CRLF1: variants seen among roughly 807,000 people sequenced by gnomAD.
CRLF1 encodes cytokine receptor-like factor 1.
In CRLF1, 36 loss-of-function variants were observed where a neutral mutation model predicts 48.9. That is an observed-to-expected ratio of 0.74 (90% confidence interval 0.56 to 0.97). The LOEUF is 0.97. Ranked by LOEUF, CRLF1 falls within the 50% of genes least tolerant of loss-of-function variation. The pLI, the probability that CRLF1 is intolerant of heterozygous loss-of-function variation, is 0.00. For missense variants in CRLF1, 534 were observed against 575.1 expected, an observed-to-expected ratio of 0.93 and a Z score of 0.73; for synonymous variants, 256 against 253.4, an observed-to-expected ratio of 1.01 and a Z score of -0.10.
At position 18,593,682 on chromosome 19, in the gene CRLF1, T is replaced by TTTGGGCA. The variant is rs1976086938; in HGVS notation, c.1256-104_1256-103insTGCCCAA. 3 of 1,544,882 alleles carry TTTGGGCA rather than the reference T, an allele frequency of 1.9e-6. No individual in the cohort carries two copies. In the African/African-American group the frequency reaches 4.1e-5, roughly 21 times the overall value. On this transcript the variant is annotated intron_variant, in intron 8 of 8. Transcript: ENST00000392386. ...ATTCGTGTCCTGTCCCCACCGCTTC[T>TTTGGGCA]GGCTGTGTGACTTTGGGCAGGGTCC... is the stretch of plus-strand genomic sequence containing the variant.
At chr19:18,594,194 G>C (rs1055972954) in intron 7 of CRLF1, 53 bp downstream of exon 7, 63 of 1,607,066 alleles carry the variant, frequency 3.9e-5, no homozygotes, top group African/African-American at 9.4e-5. Context: ...TGTTTTCTGG[G>C]CCCCCCCAGC....
rs750926892 is a variant in CRLF1, at chr19:18,594,432, G to A, written c.1027C>T (p.Arg343Cys). ...CACGCCCCGCCGCCCGGGCCCGGGC[G>A]CTCTGGTGGTGGGCGGAGCGGCAGT... is the stretch of plus-strand genomic sequence containing the variant. Reference protein sequence around the residue: ...PTAASTPRSERPGPGGGACEP... With the variant: ...PTAASTPRSECPGPGGGACEP... Residue 343 changes from arginine to cysteine, a missense_variant and splice_region_variant, in exon 7 of 9, where the codon CGC (arginine) becomes TGC (cysteine). This residue lies in a region of CRLF1 where 528 missense variants were observed against 555.7 expected (regional missense o/e 0.95). Coordinates refer to ENST00000392386, the MANE Select transcript of CRLF1 (RefSeq NM_004750.5). 8.9e-6 allele frequency: 13 copies of A among 1,463,242 alleles called. No homozygotes were observed. Among genetic ancestry groups the A allele is most frequent in the Non-Finnish European group, 1.2e-5 (13 of 1,108,126 alleles). 90.6% of individuals were successfully genotyped at this position (1,463,242 alleles called of 1,614,324 possible).
chr19:18,605,720 G>C (rs1270911803), intron 1 of CRLF1, among the ~76,000 whole-genome samples: 4 of 152,190 alleles, frequency 2.6e-5, no homozygotes, highest in Admixed American at 2.0e-4. Context: ...ATCCTTGCGG[G>C]GGTGTTCCTT....
chr19:18,600,408 G>T (rs1976205973), intron 1 of CRLF1, among the ~76,000 whole-genome samples: 2 of 149,314 alleles, frequency 1.3e-5, no homozygotes, highest in African/African-American at 2.5e-5. Context: ...TTGCTCTGTC[G>T]CCCAGGCTGG....
At chr19:18,594,029 T>TTCGTG in intron 8 of CRLF1, 36 bp downstream of exon 8, 9 of 1,366,612 alleles carry the variant, frequency 6.6e-6, no homozygotes, top group Non-Finnish European at 8.1e-6. Context: ...GCCCTCCCCT[T>TTCGTG]GCTCCCTCCC....
intron 6 of CRLF1, 47 bp from the exon 7 acceptor site, chr19:18,594,481 T>C: frequency 1.6e-6 from 2 of 1,282,958 alleles, no homozygotes; most frequent in South Asian, 4.9e-5. Flanking sequence ...CGGCAGGGGG[T>C]GCGCGCGGGC....
rs1215825108 is a variant in CRLF1, at chr19:18,599,763, G to C, written c.199C>G (p.Pro67Ala). The C allele has an allele frequency of 6.3e-7, 1 of 1,597,596 alleles. No homozygotes were observed. Among genetic ancestry groups the C allele is most frequent in the Admixed American group, 1.7e-5 (1 of 57,426 alleles). Residue 67 changes from proline to alanine, a missense_variant, in exon 2 of 9, where the codon CCA (proline) becomes GCA (alanine). Pro to Ala is a conservative substitution (Grantham distance 27). This residue lies in a region of CRLF1 where 528 missense variants were observed against 555.7 expected (regional missense o/e 0.95). Coordinates refer to ENST00000392386, the MANE Select transcript of CRLF1 (RefSeq NM_004750.5). The stretch of plus-strand genomic sequence containing the variant: ...TAGAGGCCCTCGGCGGTGGCTCCTG[G>C]TGGGTCTCCGTGCACTGAGCAGGTG... Reference protein sequence around the residue: ...LATCSVHGDPPGATAEGLYWT... With the variant: ...LATCSVHGDPAGATAEGLYWT...
At position 18,606,407 on chromosome 19, in the gene CRLF1, G is replaced by A; in HGVS notation, c.115+135C>T. The A allele has an allele frequency of 1.5e-6, 1 of 649,098 alleles. No homozygotes were observed. Among genetic ancestry groups the A allele is most frequent in the Non-Finnish European group, 1.9e-6 (1 of 516,702 alleles). 40.2% of individuals were successfully genotyped at this position (649,098 alleles called of 1,614,324 possible). ...TGCCCCGCAGGTGAGGGCGCCCCGA[G>A]GGCTGCGCCGGGGGCGCCTTCCTTT... On this transcript the variant is annotated intron_variant, in intron 1 of 8. Coordinates refer to ENST00000392386, the MANE Select transcript of CRLF1 (RefSeq NM_004750.5). The surrounding 1 kb of genome is among the most constrained non-coding windows in gnomAD (Gnocchi z 4.8).
chr19:18,605,408 G>A (rs944034348), intron 1 of CRLF1, among the ~76,000 whole-genome samples: 5 of 152,174 alleles, frequency 3.3e-5, no homozygotes, highest in African/African-American at 1.2e-4. Context: ...GAGCCTGGGA[G>A]CAGTGTGTGC....
chr19:18,601,517 C>T (rs1176809810), intron 1 of CRLF1, among the ~76,000 whole-genome samples: 2 of 152,222 alleles, frequency 1.3e-5, no homozygotes, highest in Admixed American at 6.5e-5. Context: ...CCTTGTGATC[C>T]GCCTGCCTCA....
At chr19:18,605,886 C>A (rs1211673227) in intron 1 of CRLF1, among the ~76,000 whole-genome samples, 1 of 152,142 alleles carries the variant, frequency 6.6e-6, no homozygotes, top group Non-Finnish European at 1.5e-5. Context: ...CACCCACTCG[C>A]TCACAAAGAT....
intron 1 of CRLF1, among the ~76,000 whole-genome samples, chr19:18,600,357 CCTGA>C (rs745981980): frequency 2.0e-5 from 3 of 147,540 alleles, no homozygotes; most frequent in Non-Finnish European, 3.0e-5. Flanking sequence ...CACCACCATG[CCTGA>C]CTAACTTTTG....
intron 4 of CRLF1, 73 bp from the exon 5 acceptor site, chr19:18,597,122 G>A: frequency 1.3e-6 from 2 of 1,516,162 alleles, no homozygotes; most frequent in Non-Finnish European, 1.8e-6. Flanking sequence ...TGTGGCCCAG[G>A]GCACTTGGCC....
At position 18,598,787 on chromosome 19, in the gene CRLF1, A is replaced by G; in HGVS notation, c.512T>C (p.Leu171Pro). The G allele has an allele frequency of 6.2e-7, 1 of 1,614,054 alleles. No homozygotes were observed. Among genetic ancestry groups the G allele is most frequent in the Non-Finnish European group, 8.5e-7 (1 of 1,179,984 alleles). Residue 171 changes from leucine to proline, a missense_variant, in exon 3 of 9, where the codon CTC becomes CCC. Leu to Pro is a moderately conservative substitution (Grantham distance 98). This residue lies in a region of CRLF1 where 528 missense variants were observed against 555.7 expected (regional missense o/e 0.95). Coordinates refer to ENST00000392386, the MANE Select transcript of CRLF1 (RefSeq NM_004750.5). ...GETFLHTNYS[L>P]KYKLRWYGQD... ...CACCACCAACCTAAGCTTGTACTTG[A>G]GGGAGTAGTTGGTGTGGAGGAAGGT...
rs1032819358 is a variant in CRLF1, at chr19:18,593,966, G to A, written c.1255+99C>T. Reference sequence around the variant, plus strand: ...CGGATTCCATCTCAGCGACTCTAAGGCTGGGGTTGGGAGGCGTGGGGGTGT... The same window carrying A: ...CGGATTCCATCTCAGCGACTCTAAGACTGGGGTTGGGAGGCGTGGGGGTGT... On this transcript the variant is annotated intron_variant, in intron 8 of 8. Coordinates refer to ENST00000392386, the MANE Select transcript of CRLF1 (RefSeq NM_004750.5). 3.2e-4 allele frequency: 481 copies of A among 1,510,748 alleles called. 4 individuals are homozygous for A. The highest frequency in any genetic ancestry group is 6.1e-5 in the Non-Finnish European group (68 of 1,118,274). 93.6% of individuals were successfully genotyped at this position (1,510,748 alleles called of 1,614,324 possible). A position where few individuals can be genotyped will look rare whatever the true frequency, so the allele number is the denominator to read the frequency against.
chr19:18,598,489 T>C lies in CRLF1; in HGVS notation c.640A>G (p.Thr214Ala). 1.9e-6 allele frequency: 3 copies of C among 1,613,612 alleles called. No homozygotes were observed. The highest frequency in any genetic ancestry group is 2.7e-5 in the African/African-American group (2 of 75,028). ...GAGCGGGCAGAGCCCAGGCGGTTGG[T>C]GGCCTCCACCCAGATCTCATAGGGC... is the stretch of plus-strand genomic sequence containing the variant. ...FTPYEIWVEA[T>A]NRLGSARSDV... Residue 214 changes from threonine to alanine, a missense_variant, in exon 4 of 9, where the codon ACC becomes GCC. Around this residue, in one of 2 missense-constraint regions of CRLF1, gnomAD observed 528 missense variants for 555.7 expected, o/e 0.95. Coordinates refer to ENST00000392386, the MANE Select transcript of CRLF1 (RefSeq NM_004750.5).
At position 18,599,617 on chromosome 19, in the gene CRLF1, C is replaced by A; in HGVS notation, c.345G>T (p.Val115=). The change falls in exon 2 of 9, where the codon GTG becomes GTT. Residue 115 remains valine (V), a synonymous_variant. Transcript: ENST00000392386. ...GSRQRSGDNL[V]CHARDGSILA... ...GGATGCTGCCGTCACGGGCGTGGCA[C>A]ACGAGGTTGTCCCCCGACCGCTGCC... 7.4e-6 allele frequency: 12 copies of A among 1,613,382 alleles called. No homozygotes were observed. The highest frequency in any genetic ancestry group is 8.5e-6 in the Non-Finnish European group (10 of 1,180,014).
intron 2 of CRLF1, 105 bp downstream of exon 2, chr19:18,599,460 C>T: frequency 6.6e-7 from 1 of 1,504,370 alleles, no homozygotes; most frequent in Non-Finnish European, 9.2e-7. Context: ...TGCCAGTGTG[C>T]CCACAGCTCA....
chr19:18,605,214 T>C (rs1976275215), intron 1 of CRLF1, among the ~76,000 whole-genome samples: 1 of 151,570 alleles, frequency 6.6e-6, no homozygotes, highest in Non-Finnish European at 1.5e-5. Flanking sequence ...ACAGTGGCAC[T>C]CACAGGCGCT....
Sources: gnomAD v4.1 joint callset for allele counts (sites outside exome capture counted in the v4.1 genomes callset) on GRCh38, gnomAD v4.1.1 for gene constraint, gnomAD v4.1.1 regional missense constraint, Gnocchi (gnomAD v3.1) non-coding constraint, MANE v1.5 for transcripts, NCBI Gene and HGNC (gene_info 2026-07-23, HGNC 2026-07-21) for gene names.